Variants in BRI3BP observed in about 807,000 individuals in gnomAD.
The protein encoded by BRI3BP is BRI3-binding protein.
Under a neutral mutation model 15.8 loss-of-function variants are expected in BRI3BP, and 7 were observed. The observed-to-expected ratio is 0.44, with a 90% CI of 0.25 to 0.83. The LOEUF is 0.83. Ranked by LOEUF, BRI3BP falls within the 40% of genes least tolerant of loss-of-function variation. BRI3BP has a pLI of 0.20. For synonymous variants in BRI3BP, 192 were observed against 163.5 expected, an observed-to-expected ratio of 1.17 and a Z score of -1.33; for missense variants, 320 against 339.3, an observed-to-expected ratio of 0.94 and a Z score of 0.45.
chr12:125,037,827 G>C, the BRI3BP span, among the ~76,000 whole-genome samples: 1 of 148,656 alleles, frequency 6.7e-6, no homozygotes, highest in Admixed American at 6.7e-5. Context: ...AAAAAAAAAA[G>C]AAAAGAAAAG....
the BRI3BP span, among the ~76,000 whole-genome samples, chr12:125,042,306 T>C: frequency 6.6e-6 from 1 of 152,194 alleles, no homozygotes; most frequent in Non-Finnish European, 1.5e-5. Context: ...CTCTTCCCAC[T>C]TGGTAAATTT....
At chr12:125,018,126 A>C (rs1016885658) in intron 2 of BRI3BP, among the ~76,000 whole-genome samples, 5 of 152,064 alleles carry the variant, frequency 3.3e-5, no homozygotes, top group African/African-American at 1.2e-4. Flanking sequence ...CTCCACACTG[A>C]GGGGCGGCTG....
chr12:124,994,043 T>G, intron 1 of BRI3BP, 40 bp downstream of exon 1: 1 of 1,227,620 alleles, frequency 8.1e-7, no homozygotes, highest in East Asian at 3.7e-5. Flanking sequence ...CTTGCCCCGG[T>G]CGCCACGCAC....
intron 1 of BRI3BP, among the ~76,000 whole-genome samples, chr12:124,996,653 A>T (rs1051020046): frequency 6.6e-6 from 1 of 151,506 alleles, no homozygotes; most frequent in Admixed American, 6.6e-5. Flanking sequence ...ATAAAGGAAA[A>T]CTGGGTCTGC....
At chr12:125,038,204 G>C in the BRI3BP span, among the ~76,000 whole-genome samples, 3 of 151,758 alleles carry the variant, frequency 2.0e-5, no homozygotes, top group African/African-American at 7.3e-5. Context: ...TTGTGCCTTG[G>C]GGGCAGAGTT....
chr12:125,010,346 G>A (rs1279856837), intron 1 of BRI3BP, among the ~76,000 whole-genome samples: 1 of 152,098 alleles, frequency 6.6e-6, no homozygotes, highest in Non-Finnish European at 1.5e-5. Context: ...CCATGCAGTC[G>A]ACAGCCTGGC....
chr12:125,019,505 G>A (rs1955275063), intron 2 of BRI3BP, among the ~76,000 whole-genome samples: 2 of 152,098 alleles, frequency 1.3e-5, no homozygotes, highest in Non-Finnish European at 1.5e-5. Flanking sequence ...CTCTTCTCCC[G>A]TAACATGTCT....
chr12:125,025,494 A>T lies in BRI3BP; in HGVS notation c.*64A>T. 1 of 1,396,092 alleles carries T rather than the reference A, an allele frequency of 7.2e-7. No homozygotes were observed. Among genetic ancestry groups the T allele is most frequent in the Non-Finnish European group, 9.5e-7 (1 of 1,048,828 alleles). 86.5% of individuals were successfully genotyped at this position (1,396,092 alleles called of 1,614,324 possible). A position where few individuals can be genotyped will look rare whatever the true frequency, so the allele number is the denominator to read the frequency against. ...CTGTCTCAGAAAACGAAAACGGAGG[A>T]AAAAAACCCCAAACCCCAAACAATC... On this transcript the variant is annotated 3_prime_UTR_variant, in exon 3 of 3. Transcript: ENST00000341446.
In BRI3BP at chr12:125,029,534, AAAAAAAAAAAAG is replaced by A. The variant is rs1423265057; in HGVS notation, c.*4105_*4116del. ...GCGACAGAGTGAGACCCAGTCTCAA[AAAAAAAAAAAAG>A]TGTGTGTGTGTGTATATATATGTAT... On this transcript the variant is annotated 3_prime_UTR_variant, in exon 3 of 3. Coordinates refer to ENST00000341446, the MANE Select transcript of BRI3BP (RefSeq NM_080626.6). 1.4e-5 allele frequency: 2 copies of A among 147,470 alleles called. No individual in the cohort carries two copies. Among genetic ancestry groups the A allele is most frequent in the East Asian group, 3.9e-4 (2 of 5,108 alleles). 9.1% of individuals were successfully genotyped at this position (147,470 alleles called of 1,614,324 possible). A position where few individuals can be genotyped will look rare whatever the true frequency, so the allele number is the denominator to read the frequency against.
At chr12:125,024,912 C>T in intron 2 of BRI3BP, 79 bp from the exon 3 acceptor site, 1 of 1,335,576 alleles carries the variant, frequency 7.5e-7, no homozygotes, top group Non-Finnish European at 1.0e-6. Context: ...CACAGGCCAG[C>T]TCAACTATCC....
intron 2 of BRI3BP, among the ~76,000 whole-genome samples, chr12:125,013,472 C>T (rs1055356367): frequency 1.3e-5 from 2 of 152,224 alleles, no homozygotes; most frequent in East Asian, 1.9e-4. Context: ...TGCAGGGACC[C>T]TTGCCATTTC....
At chr12:125,011,905 G>A (rs922529256) in intron 1 of BRI3BP, among the ~76,000 whole-genome samples, 47 of 152,124 alleles carry the variant, frequency 3.1e-4, no homozygotes, top group African/African-American at 1.0e-3. Context: ...TGAGAAACCC[G>A]CAGGGTGCGG....
the BRI3BP span, among the ~76,000 whole-genome samples, chr12:125,036,744 G>T: frequency 0.54 from 82,844 of 152,022 alleles, 24,519 homozygotes; most frequent in East Asian, 0.69. Flanking sequence ...TTTGGAGACA[G>T]GGTCTTTGGG....
the BRI3BP span, among the ~76,000 whole-genome samples, chr12:125,038,924 T>C: frequency 6.6e-6 from 1 of 152,008 alleles, no homozygotes; most frequent in South Asian, 2.1e-4. Context: ...ACCCCGTCTC[T>C]ACTAAAAATA....
At chr12:125,038,276 C>G in the BRI3BP span, among the ~76,000 whole-genome samples, 1 of 149,992 alleles carries the variant, frequency 6.7e-6, no homozygotes, top group Admixed American at 6.6e-5. Flanking sequence ...AAAAAAAGTT[C>G]ACCGTTCTGT....
downstream of BRI3BP, among the ~76,000 whole-genome samples, chr12:125,033,769 G>A (rs1955422918): frequency 6.7e-6 from 1 of 149,926 alleles, no homozygotes; most frequent in African/African-American, 2.5e-5. Flanking sequence ...TTGAAACAGA[G>A]TCTCATTCTG....
At chr12:125,038,144 G>A in the BRI3BP span, among the ~76,000 whole-genome samples, 2 of 151,704 alleles carry the variant, frequency 1.3e-5, no homozygotes, top group Non-Finnish European at 2.9e-5. Flanking sequence ...AGGCATGGTG[G>A]TGTGCGTCTG....
At chr12:125,042,200 T>C in the BRI3BP span, among the ~76,000 whole-genome samples, 7 of 152,236 alleles carry the variant, frequency 4.6e-5, no homozygotes, top group African/African-American at 1.7e-4. Context: ...GTTTGTAATG[T>C]AGGTAAATTG....
chr12:125,010,497 G>A (rs1190876660), intron 1 of BRI3BP, among the ~76,000 whole-genome samples: 4 of 152,182 alleles, frequency 2.6e-5, no homozygotes, highest in Non-Finnish European at 2.9e-5. Flanking sequence ...TGCTGTAGCC[G>A]GCCAGGCATG....
Sources: gnomAD v4.1 joint callset for allele counts (sites outside exome capture counted in the v4.1 genomes callset) on GRCh38, gnomAD v4.1.1 for gene constraint, MANE v1.5 for transcripts, NCBI Gene and HGNC (gene_info 2026-07-23, HGNC 2026-07-21) for gene names.